CFAP47: variants seen among roughly 807,000 people sequenced by gnomAD.
CFAP47 encodes cilia and flagella associated protein 47, also known as cilia- and flagella-associated protein 47.
In CFAP47, 29 loss-of-function variants were observed where a neutral mutation model predicts 148.1. The observed-to-expected ratio is 0.20, with a 90% CI of 0.15 to 0.27. CFAP47 has a LOEUF of 0.27. Among genes scored for constraint, CFAP47 ranks in the 10% least tolerant of loss-of-function variants. The probability of loss-of-function intolerance (pLI) is 1.00; values close to 1 mark genes in which losing one functional copy is unlikely to be tolerated. For missense variants in CFAP47, 1,872 were observed against 1,697.5 expected (o/e 1.10, Z -1.81); for synonymous variants, 664 against 577.3 (o/e 1.15, Z -2.15).
chrX:36,267,386 A>G (rs1022028749), intron 49 of CFAP47, among the ~76,000 whole-genome samples: 6 of 111,440 alleles, frequency 5.4e-5, no homozygotes, highest in Non-Finnish European at 9.4e-5. Flanking sequence ...TGCCATCAGC[A>G]ATATTGACTG....
chrX:36,323,527 C>A (rs1556012472), intron 57 of CFAP47, among the ~76,000 whole-genome samples: 1 of 111,294 alleles, frequency 9.0e-6, no homozygotes, highest in Admixed American at 9.6e-5. Flanking sequence ...GCATTCTATT[C>A]AATTTTATTC....
chrX:36,033,758 T>TGTATGGC (rs1937308054), intron 23 of CFAP47, among the ~76,000 whole-genome samples: 1 of 111,533 alleles, frequency 9.0e-6, no homozygotes, highest in Non-Finnish European at 1.9e-5. Context: ...TGCTGATAAT[T>TGTATGGC]GTATGGCTCA....
chrX:36,165,954 G>A (rs1342604121), intron 39 of CFAP47, among the ~76,000 whole-genome samples: 1 of 111,447 alleles, frequency 9.0e-6, no homozygotes, highest in African/African-American at 3.3e-5. Context: ...TCCAAATACA[G>A]TCACATTTGG....
intron 35 of CFAP47, among the ~76,000 whole-genome samples, chrX:36,138,717 A>C (rs1939089105): frequency 9.0e-6 from 1 of 111,284 alleles, no homozygotes; most frequent in Non-Finnish European, 1.9e-5. Flanking sequence ...CTGAAACCCC[A>C]AAAATAAACA....
chrX:36,137,929 G>A (rs780986106), intron 33 of CFAP47, 29 bp from the exon 34 acceptor site: 8 of 554,401 alleles, frequency 1.4e-5, no homozygotes, highest in Non-Finnish European at 2.4e-5. Flanking sequence ...AACTATTGTT[G>A]TATTTACTCT....
intron 48 of CFAP47, among the ~76,000 whole-genome samples, chrX:36,244,948 CA>C (rs1185344875): frequency 9.0e-6 from 1 of 111,215 alleles, no homozygotes; most frequent in African/African-American, 3.3e-5. Flanking sequence ...AAAGTACACA[CA>C]AAAATCCTCA....
At chrX:36,180,781 T>C (rs1003756613) in intron 40 of CFAP47, among the ~76,000 whole-genome samples, 1 of 112,128 alleles carries the variant, frequency 8.9e-6, no homozygotes, top group African/African-American at 3.2e-5. Flanking sequence ...AATGTCATGC[T>C]TACCTAGGGC....
chrX:36,272,467 TCTGCACCATGACAATGCTC>T (rs1345948911), intron 49 of CFAP47, among the ~76,000 whole-genome samples: 1 of 111,447 alleles, frequency 9.0e-6, no homozygotes, highest in Non-Finnish European at 1.9e-5. Flanking sequence ...AGATGGTTCT[TCTGCACCATGACAATGCTC>T]CTGCTCATTC....
intron 59 of CFAP47, 87 bp from the exon 60 acceptor site, chrX:36,353,442 T>C: frequency 2.3e-6 from 2 of 877,778 alleles, no homozygotes; most frequent in Non-Finnish European, 3.2e-6. Flanking sequence ...GAAGTTTTAT[T>C]TTTATGACAT....
At chrX:36,233,866 A>C (rs1268137845) in intron 46 of CFAP47, among the ~76,000 whole-genome samples, 1 of 110,353 alleles carries the variant, frequency 9.1e-6, no homozygotes, top group East Asian at 2.8e-4. Context: ...TTTCTCCTTC[A>C]CTTATGAAGC....
intron 61 of CFAP47, among the ~76,000 whole-genome samples, chrX:36,366,489 G>C (rs1022530966): frequency 1.8e-5 from 2 of 111,769 alleles, no homozygotes; most frequent in Middle Eastern, 9.2e-3. Flanking sequence ...TATGGGCTTT[G>C]CATGTTTTCA....
rs180985226 is a variant in CFAP47, at chrX:36,300,167, T to C, written c.7863-905T>C. Among the ~76,000 whole-genome samples, 10 of 111,402 alleles carry C rather than the reference T, an allele frequency of 9.0e-5. No individual in the cohort carries two copies. The East Asian group carries it at 2.8e-3, about 31-fold the overall frequency. On this transcript the variant is annotated intron_variant, in intron 52 of 63. Transcript: ENST00000378653. ...ATAAACATAAAATTCTCATAGTAAC[T>C]GTAAGAGGTAAGATTGATTCCTCCT...
At chrX:36,083,008 A>G (rs1938010782) in intron 29 of CFAP47, among the ~76,000 whole-genome samples, 1 of 111,348 alleles carries the variant, frequency 9.0e-6, no homozygotes, top group East Asian at 2.8e-4. Flanking sequence ...TTTAATTAGG[A>G]TTATGTTAAT....
At chrX:36,190,487 A>C (rs1939853847) in intron 42 of CFAP47, among the ~76,000 whole-genome samples, 1 of 112,452 alleles carries the variant, frequency 8.9e-6, no homozygotes, top group Admixed American at 9.4e-5. Context: ...CAGGTGGCTT[A>C]AAACAAGACA....
chrX:36,352,324 A>G (rs1420142843), intron 59 of CFAP47, among the ~76,000 whole-genome samples: 1 of 111,394 alleles, frequency 9.0e-6, no homozygotes, highest in Non-Finnish European at 1.9e-5. Flanking sequence ...AAACCGTTTA[A>G]TTTATATATA....
intron 44 of CFAP47, among the ~76,000 whole-genome samples, chrX:36,203,017 A>C (rs1254643613): frequency 9.0e-6 from 1 of 111,723 alleles, no homozygotes; most frequent in Non-Finnish European, 1.9e-5. Context: ...TGTAGAAATT[A>C]TTTATTTTTT....
At chrX:36,004,301 C>A (rs915704156) in intron 21 of CFAP47, among the ~76,000 whole-genome samples, 4 of 110,866 alleles carry the variant, frequency 3.6e-5, no homozygotes, top group Non-Finnish European at 5.7e-5. Context: ...TTTTTATACA[C>A]CAACGACCAA....
At chrX:36,354,935 G>A (rs782338232) in intron 60 of CFAP47, among the ~76,000 whole-genome samples, 3 of 110,963 alleles carry the variant, frequency 2.7e-5, no homozygotes, top group South Asian at 3.8e-4. Flanking sequence ...AATCAACAGG[G>A]TGAAAAGATA....
intron 7 of CFAP47, among the ~76,000 whole-genome samples, chrX:35,954,962 CT>C (rs1180089856): frequency 8.9e-6 from 1 of 112,148 alleles, no homozygotes; most frequent in Non-Finnish European, 1.9e-5. Context: ...AGAGGTTTCA[CT>C]TTGTATCTGT....
Sources: gnomAD v4.1 joint callset for allele counts (sites outside exome capture counted in the v4.1 genomes callset) on GRCh38, gnomAD v4.1.1 for gene constraint, MANE v1.5 for transcripts, NCBI Gene and HGNC (gene_info 2026-07-23, HGNC 2026-07-21) for gene names.